MACF1: variants seen among roughly 807,000 people sequenced by gnomAD.
MACF1 encodes microtubule actin crosslinking factor 1, also known as microtubule-actin cross-linking factor 1.
A neutral mutation model predicts 854.8 loss-of-function variants in MACF1; 193 were observed. The ratio of observed to expected loss-of-function variants is 0.23; its 90% CI spans 0.20 to 0.25. MACF1 has a LOEUF of 0.25. MACF1 is among the 10% of genes least tolerant of loss of function. The pLI is 1.00. For synonymous variants in MACF1, 3,185 were observed against 3,226.7 expected (o/e 0.99, Z 0.44); for missense variants, 7,722 against 8,929.1 (o/e 0.86, Z 5.45).
Position 39,300,106 on chromosome 1 carries a change from G to C in MACF1, c.2482-104G>C, listed in dbSNP as rs565182274. On this transcript the variant is annotated intron_variant, in intron 21 of 100. Transcript: ENST00000564288. ...CCACCAACCATCCCTACTTAACTGA[G>C]AGATGACATTCTCTGAGGGAGTGGA... is the stretch of plus-strand genomic sequence containing the variant. The C allele has an allele frequency of 4.3e-6, 5 of 1,174,042 alleles. No individual in the cohort carries two copies. In the East Asian group the frequency reaches 1.2e-4, roughly 29 times the overall value. The allele number at this position is 1,174,042 out of a possible 1,614,324, so 72.7% of individuals were successfully genotyped here. A position where few individuals can be genotyped will look rare whatever the true frequency, so the allele number is the denominator to read the frequency against.
In MACF1 at chr1:39,332,771, A is replaced by G; in HGVS notation, c.6183A>G (p.Lys2061=). Residue 2061 remains lysine (K), a synonymous_variant, in exon 37 of 101, where the codon AAA becomes AAG. Transcript: ENST00000564288. ...ATCGGGAAGATTGCACTACAGAAAA[A>G]GGCAAAAAGACCACTGTAGAAACAG... ...YPDREDCTTE[K]GKKTTVETED... is the part of the protein sequence containing the mutation. 1 of 1,614,192 alleles carries G rather than the reference A, an allele frequency of 6.2e-7. No individual in the cohort carries two copies. The highest frequency in any genetic ancestry group is 8.5e-7 in the Non-Finnish European group (1 of 1,180,036).
Position 39,300,250 on chromosome 1 carries a change from C to T in MACF1, c.2522C>T (p.Ala841Val). ...EQLIQSKSSV[A>V]SLVGRSKTIV... is the part of the protein sequence containing the mutation. ...CTTATACAGTCCAAGAGTTCCGTTG[C>T]CAGTCTCGTTGGGAGATCAAAAACC... Residue 841 changes from alanine (A) to valine (V), a missense_variant, in exon 22 of 101, where the codon GCC becomes GTC. By Grantham distance (64) the Ala-to-Val change is moderately conservative. This residue lies in a region of MACF1 where 1,137 missense variants were observed against 1,263.0 expected (regional missense o/e 0.90). Transcript: ENST00000564288. 1.2e-6 allele frequency: 2 copies of T among 1,613,930 alleles called. No individual in the cohort carries two copies. The highest frequency in any genetic ancestry group is 1.7e-6 in the Non-Finnish European group (2 of 1,179,998).
chr1:39,387,740 T>C lies in MACF1; in HGVS notation c.14898T>C (p.Ala4966=), dbSNP rs769950745. The C allele has an allele frequency of 6.2e-7, 1 of 1,614,088 alleles. No homozygotes were observed. The highest frequency in any genetic ancestry group is 8.5e-7 in the Non-Finnish European group (1 of 1,180,018). ...RSLLEILNSA[A]DILINSSEAD... Reference sequence around the variant, plus strand: ...TGCTGGAAATATTGAATAGTGCTGCTGACATTCTGATCAATTCTTCAGAAG... The same window carrying C: ...TGCTGGAAATATTGAATAGTGCTGCCGACATTCTGATCAATTCTTCAGAAG... Residue 4966 remains alanine, a synonymous_variant, in exon 58 of 101, where the codon GCT becomes GCC. Transcript: ENST00000564288.
intron 51 of MACF1, among the ~76,000 whole-genome samples, chr1:39,371,476 T>G (rs1649236927): frequency 6.6e-6 from 1 of 152,106 alleles, no homozygotes; most frequent in African/African-American, 2.4e-5. Flanking sequence ...ATATTCAGTA[T>G]GGAGGAGGGC....
intron 56 of MACF1, among the ~76,000 whole-genome samples, chr1:39,383,360 T>C (rs1019244433): frequency 2.6e-5 from 4 of 152,190 alleles, no homozygotes; most frequent in Non-Finnish European, 5.9e-5. Context: ...TCCGGGATTT[T>C]CAAACTTTTT....
chr1:39,342,567 C>G (rs1389353221), intron 40 of MACF1, among the ~76,000 whole-genome samples: 4 of 138,454 alleles, frequency 2.9e-5, no homozygotes, highest in Non-Finnish European at 4.6e-5. Flanking sequence ...GACAGAGTCT[C>G]TCTCTGTCAC....
At chr1:39,307,421 C>CT (rs1479232232) in intron 23 of MACF1, among the ~76,000 whole-genome samples, 1 of 152,058 alleles carries the variant, frequency 6.6e-6, no homozygotes, top group Non-Finnish European at 1.5e-5. Context: ...TGAAAGAAAT[C>CT]TTTATTTCTC....
intron 38 of MACF1, among the ~76,000 whole-genome samples, chr1:39,339,284 G>A (rs1460005521): frequency 6.6e-6 from 1 of 152,016 alleles, no homozygotes; most frequent in Non-Finnish European, 1.5e-5. Flanking sequence ...ATATTCAAAA[G>A]CACTGCCATT....
At chr1:39,272,415 T>G (rs945761406) in intron 6 of MACF1, among the ~76,000 whole-genome samples, 2 of 152,158 alleles carry the variant, frequency 1.3e-5, no homozygotes, top group African/African-American at 4.8e-5. Context: ...GTGGGAAAGC[T>G]GGGAGGGCAA....
At chr1:39,398,601 C>G (rs1432859787) in intron 58 of MACF1, among the ~76,000 whole-genome samples, 4 of 152,136 alleles carry the variant, frequency 2.6e-5, no homozygotes, top group Non-Finnish European at 5.9e-5. Flanking sequence ...TCTTCAGATC[C>G]CATGACAAGT....
chr1:39,315,223 A>T (rs1646388337), intron 26 of MACF1, among the ~76,000 whole-genome samples: 1 of 151,868 alleles, frequency 6.6e-6, no homozygotes, highest in Non-Finnish European at 1.5e-5. Context: ...ATATTTTCTC[A>T]TTTTCCCTTC....
At chr1:39,203,821 C>T (rs1425814627), upstream of MACF1, among the ~76,000 whole-genome samples, 1 of 152,126 alleles carries the variant, frequency 6.6e-6, no homozygotes. Flanking sequence ...TATATGGATG[C>T]ACAATTTGTT....
intron 5 of MACF1, among the ~76,000 whole-genome samples, chr1:39,254,959 T>C (rs1184500293): frequency 6.6e-6 from 1 of 151,652 alleles, no homozygotes; most frequent in Non-Finnish European, 1.5e-5. Flanking sequence ...GAGGAGCCAA[T>C]GAAGAGAGTA....
intron 23 of MACF1, among the ~76,000 whole-genome samples, chr1:39,305,586 A>G (rs967883128): frequency 1.3e-5 from 2 of 152,188 alleles, no homozygotes; most frequent in African/African-American, 4.8e-5. Context: ...CGTTTTCCAA[A>G]TGTGGTTATG....
At chr1:39,426,780 G>C (rs905467990) in intron 61 of MACF1, among the ~76,000 whole-genome samples, 2 of 151,766 alleles carry the variant, frequency 1.3e-5, no homozygotes, top group African/African-American at 2.4e-5. Flanking sequence ...TTTTTTTTTG[G>C]GGGGGGTGCT....
At chr1:39,309,819 A>G in intron 24 of MACF1, 123 bp downstream of exon 24, 3 of 1,040,998 alleles carry the variant, frequency 2.9e-6, no homozygotes, top group Non-Finnish European at 4.1e-6. Flanking sequence ...CAGGAATACC[A>G]TTTTAGAGTT....
chr1:39,246,776 CTGAGATTACAGGTG>C (rs1474266032), intron 2 of MACF1, among the ~76,000 whole-genome samples: 1 of 151,994 alleles, frequency 6.6e-6, no homozygotes, highest in Non-Finnish European at 1.5e-5. Flanking sequence ...TCCCAAAGTG[CTGAGATTACAGGTG>C]TGAGAGGGAG....
rs190486853 is a variant in MACF1, at chr1:39,318,078, T to C, written c.3783-375T>C. Among the ~76,000 whole-genome samples the C allele has an allele frequency of 3.5e-3, 531 of 152,344 alleles. 6 individuals are homozygous for C. Among genetic ancestry groups the C allele is most frequent in the Admixed American group, 5.6e-3 (86 of 15,298 alleles). On this transcript the variant is annotated intron_variant, in intron 29 of 100. Coordinates refer to ENST00000564288, the MANE Select transcript of MACF1 (RefSeq NM_001394062.1). ...TTGAGAAATTATAGTGATTCATAAA[T>C]CATAGCTGTGCTGTACTGACAGGTA... is the stretch of plus-strand genomic sequence containing the variant.
At chr1:39,255,133 CTT>C (rs1645083016) in intron 5 of MACF1, among the ~76,000 whole-genome samples, 1 of 152,086 alleles carries the variant, frequency 6.6e-6, no homozygotes, top group Non-Finnish European at 1.5e-5. Context: ...AAAGCTGAGA[CTT>C]TAACTCAGGC....
Sources: gnomAD v4.1 joint callset for allele counts (sites outside exome capture counted in the v4.1 genomes callset) on GRCh38, gnomAD v4.1.1 for gene constraint, gnomAD v4.1.1 regional missense constraint, MANE v1.5 for transcripts, NCBI Gene and HGNC (gene_info 2026-07-23, HGNC 2026-07-21) for gene names.